HIF1AN: variants seen among roughly 807,000 people sequenced by gnomAD.
The protein encoded by HIF1AN is hypoxia-inducible factor 1-alpha inhibitor.
HIF1AN carries 21 observed loss-of-function variants against 47.7 expected under a neutral mutation model. The observed-to-expected ratio is 0.44, with a 90% CI of 0.31 to 0.63. The LOEUF (loss-of-function observed/expected upper bound fraction) is 0.63, where lower values mean the gene tolerates loss of function less well. Ranked by LOEUF, HIF1AN falls within the 30% of genes least tolerant of loss-of-function variation. The probability of loss-of-function intolerance (pLI) is 0.07; values close to 1 mark genes in which losing one functional copy is unlikely to be tolerated. For missense variants in HIF1AN, 320 were observed against 432.7 expected, an observed-to-expected ratio of 0.74 and a Z score of 2.31; for synonymous variants, 152 against 155.9, an observed-to-expected ratio of 0.98 and a Z score of 0.18.
At position 100,540,611 on chromosome 10, in the gene HIF1AN, G is replaced by A. The variant is rs1379699321; in HGVS notation, c.429-23G>A. On this transcript the variant is annotated intron_variant, in intron 2 of 7. Transcript: ENST00000299163. ...GGGCTGTGTGTGCATGCACTAATAG[G>A]ATTTTCTTCTTGGGGAACATAGGTT... 4 of 1,613,056 alleles carry A rather than the reference G, an allele frequency of 2.5e-6. No homozygotes were observed. The African/African-American group carries it at 4.0e-5, about 16-fold the overall frequency.
rs994903756 is a variant in HIF1AN, at chr10:100,551,986, C to T, written c.*3849C>T. 5.3e-5 allele frequency: 8 copies of T among 152,244 alleles called. No homozygotes were observed. The highest frequency in any genetic ancestry group is 1.2e-4 in the Non-Finnish European group (8 of 68,114). 9.4% of individuals were successfully genotyped at this position (152,244 alleles called of 1,614,324 possible). ...CTTCCTAGCAACGTTGATGTCCCCACAACCCCACATCAGTGCAGCTGTGGC... is the reference window on the plus strand; with the variant it reads ...CTTCCTAGCAACGTTGATGTCCCCATAACCCCACATCAGTGCAGCTGTGGC... On this transcript the variant is annotated 3_prime_UTR_variant, in exon 8 of 8. Transcript: ENST00000299163.
intron 7 of HIF1AN, 42 bp downstream of exon 7, chr10:100,547,292 A>C (rs746778920): frequency 3.2e-6 from 4 of 1,233,744 alleles, no homozygotes; most frequent in African/African-American, 1.5e-5. Context: ...TGGGTTGACC[A>C]AGGAAAGTCA....
chr10:100,544,053 C>G (rs137937333), intron 3 of HIF1AN, among the ~76,000 whole-genome samples: 247 of 152,304 alleles, frequency 1.6e-3, no homozygotes, highest in African/African-American at 5.5e-3. Flanking sequence ...GTCTAAATTC[C>G]ATGCCCTGCA....
rs745419888 is a variant in HIF1AN at position 100,546,003 on chromosome 10, G to A, written c.784G>A (p.Glu262Lys). Residue 262 changes from glutamate to lysine, a missense_variant, in exon 5 of 8, where the codon GAA (glutamate) becomes AAA (lysine). Coordinates refer to ENST00000299163, the MANE Select transcript of HIF1AN (RefSeq NM_017902.3). The stretch of plus-strand genomic sequence containing the variant: ...TAATTTCCAAAATGTGGTTGGTTAC[G>A]AAACAGTGGTTGGCCCTGGTGATGT... Reference protein sequence around the residue: ...FPNFQNVVGYETVVGPGDVLY... With the variant: ...FPNFQNVVGYKTVVGPGDVLY... 4 of 1,613,886 alleles carry A rather than the reference G, an allele frequency of 2.5e-6. No homozygotes were observed. The highest frequency in any genetic ancestry group is 8.5e-7 in the Non-Finnish European group (1 of 1,179,966).
chr10:100,536,142 G>C lies in HIF1AN; in HGVS notation c.177+7G>C. The stretch of plus-strand genomic sequence containing the variant: ...GGAGCTTATTGAGAATGAGGTGGGG[G>C]GCGGGGCCGCGTCTAAAGGGAGAGG... On this transcript the variant is annotated splice_region_variant and intron_variant, in intron 1 of 7. Coordinates refer to ENST00000299163, the MANE Select transcript of HIF1AN (RefSeq NM_017902.3). The C allele has an allele frequency of 6.3e-7, 1 of 1,585,956 alleles. No individual in the cohort carries two copies. Among genetic ancestry groups the C allele is most frequent in the Non-Finnish European group, 8.6e-7 (1 of 1,165,704 alleles).
In HIF1AN at chr10:100,552,662, CT is replaced by C; in HGVS notation, c.*4530del. The stretch of plus-strand genomic sequence containing the variant: ...CTCCAGCGGCCTCCTTACCAAGACC[CT>C]TTTTCCTAAACAGTTGTCCTTCCCT... On this transcript the variant is annotated 3_prime_UTR_variant, in exon 8 of 8. Transcript: ENST00000299163. The C allele has an allele frequency of 1.3e-5, 2 of 152,522 alleles. No homozygotes were observed. The highest frequency in any genetic ancestry group is 2.1e-4 in the South Asian group (1 of 4,834). 9.4% of individuals were successfully genotyped at this position (152,522 alleles called of 1,614,324 possible). A position where few individuals can be genotyped will look rare whatever the true frequency, so the allele number is the denominator to read the frequency against.
chr10:100,542,390 G>A (rs1843043335), intron 3 of HIF1AN, among the ~76,000 whole-genome samples: 1 of 152,096 alleles, frequency 6.6e-6, no homozygotes, highest in East Asian at 1.9e-4. Flanking sequence ...GTCTCGCTCT[G>A]TCGCCCAGGC....
At position 100,540,682 on chromosome 10, in the gene HIF1AN, C is replaced by T. The variant is rs1393230484; in HGVS notation, c.477C>T (p.Val159=). Residue 159 remains valine, a synonymous_variant, in exon 3 of 8, where the codon GTC becomes GTT. Transcript: ENST00000299163. ...TLNDTVGRKI[V]MDFLGFNWNW... Reference sequence around the variant, plus strand: ...ATGACACTGTGGGCAGGAAGATTGTCATGGACTTCTTAGGTTTTAACTGGA... The same window carrying T: ...ATGACACTGTGGGCAGGAAGATTGTTATGGACTTCTTAGGTTTTAACTGGA... 2 of 1,613,760 alleles carry T rather than the reference C, an allele frequency of 1.2e-6. No homozygotes were observed. Among genetic ancestry groups the T allele is most frequent in the South Asian group, 1.1e-5 (1 of 91,000 alleles).
At chr10:100,542,386 C>A (rs1432097399) in intron 3 of HIF1AN, among the ~76,000 whole-genome samples, 1 of 152,142 alleles carries the variant, frequency 6.6e-6, no homozygotes, top group Non-Finnish European at 1.5e-5. Context: ...CAGAGTCTCG[C>A]TCTGTCGCCC....
rs1843234988 is a variant in HIF1AN, at chr10:100,558,819, T to G, written c.*10682T>G. 6.6e-6 allele frequency: 1 copy of G among 152,206 alleles called. No individual in the cohort carries two copies. Among genetic ancestry groups the G allele is most frequent in the African/African-American group, 2.4e-5 (1 of 41,462 alleles). 9.4% of individuals were successfully genotyped at this position (152,206 alleles called of 1,614,324 possible). A position where few individuals can be genotyped will look rare whatever the true frequency, so the allele number is the denominator to read the frequency against. ...ACATGCAGTGGCATCAGGTGTTTCC[T>G]TGGTAGGTGTGCATCTTTTAATGAT... On this transcript the variant is annotated 3_prime_UTR_variant, in exon 8 of 8. Coordinates refer to ENST00000299163, the MANE Select transcript of HIF1AN (RefSeq NM_017902.3).
At chr10:100,546,259 A>G (rs1013137071) in intron 5 of HIF1AN, among the ~76,000 whole-genome samples, 1 of 152,192 alleles carries the variant, frequency 6.6e-6, no homozygotes, top group East Asian at 1.9e-4. Flanking sequence ...CGGTTCTTCA[A>G]GTCCAAAGAG....
Position 100,550,021 on chromosome 10 carries a change from A to C in HIF1AN, c.*1884A>C, listed in dbSNP as rs913520851. On this transcript the variant is annotated 3_prime_UTR_variant, in exon 8 of 8. Transcript: ENST00000299163. ...GGGAAATGTGATTGCAGTGATCTCT[A>C]TCTCTCCACTTCTTTTGGGAAAGAG... 21 of 152,166 alleles carry C rather than the reference A, an allele frequency of 1.4e-4. No individual in the cohort carries two copies. Among genetic ancestry groups the C allele is most frequent in the African/African-American group, 4.6e-4 (19 of 41,424 alleles). The allele number at this position is 152,166 out of a possible 1,614,324, so 9.4% of individuals were successfully genotyped here. A position where few individuals can be genotyped will look rare whatever the true frequency, so the allele number is the denominator to read the frequency against.
intron 2 of HIF1AN, 125 bp downstream of exon 2, chr10:100,536,786 T>C (rs1336080722): frequency 1.9e-6 from 2 of 1,064,778 alleles, no homozygotes; most frequent in African/African-American, 3.2e-5. Context: ...TGGATTCCAG[T>C]TGAAGGAGTA....
At position 100,535,946 on chromosome 10, in the gene HIF1AN, C is replaced by G. The variant is rs750905299; in HGVS notation, c.-13C>G. 6.5e-7 allele frequency: 1 copy of G among 1,543,322 alleles called. No homozygotes were observed. The highest frequency in any genetic ancestry group is 1.4e-5 in the African/African-American group (1 of 72,258). ...GCTTCCGGTTCCGGTGGGGGCCGTC[C>G]CTGGCGGCGGAGATGGCGGCGACAG... On this transcript the variant is annotated 5_prime_UTR_variant, in exon 1 of 8. Coordinates refer to ENST00000299163, the MANE Select transcript of HIF1AN (RefSeq NM_017902.3).
In HIF1AN at chr10:100,536,212, A is replaced by G. The variant is rs887237697; in HGVS notation, c.177+77A>G. 1.4e-5 allele frequency: 20 copies of G among 1,418,314 alleles called. No individual in the cohort carries two copies. The African/African-American group carries it at 2.6e-4, about 18-fold the overall frequency. 87.9% of individuals were successfully genotyped at this position (1,418,314 alleles called of 1,614,324 possible). On this transcript the variant is annotated intron_variant, in intron 1 of 7. Transcript: ENST00000299163. ...AGGTCAGAGGTGAATGGTGAAAGAGATGGGAGACTGGCAGGGCTCTAGACT... is the reference window on the plus strand; with the variant it reads ...AGGTCAGAGGTGAATGGTGAAAGAGGTGGGAGACTGGCAGGGCTCTAGACT...
At position 100,551,637 on chromosome 10, in the gene HIF1AN, T is replaced by C. The variant is rs1843160944; in HGVS notation, c.*3500T>C. The stretch of plus-strand genomic sequence containing the variant: ...GGCAAAGAATAACAGTGGAAAAGTT[T>C]TGACATGTGTTTGCCATTTGTGGAA... On this transcript the variant is annotated 3_prime_UTR_variant, in exon 8 of 8. Transcript: ENST00000299163. 1 of 152,230 alleles carries C rather than the reference T, an allele frequency of 6.6e-6. No homozygotes were observed. Among genetic ancestry groups the C allele is most frequent in the Non-Finnish European group, 1.5e-5 (1 of 68,032 alleles). 9.4% of individuals were successfully genotyped at this position (152,230 alleles called of 1,614,324 possible). A position where few individuals can be genotyped will look rare whatever the true frequency, so the allele number is the denominator to read the frequency against.
At position 100,556,301 on chromosome 10, in the gene HIF1AN, T is replaced by C. The variant is rs761187135; in HGVS notation, c.*8164T>C. On this transcript the variant is annotated 3_prime_UTR_variant, in exon 8 of 8. Coordinates refer to ENST00000299163, the MANE Select transcript of HIF1AN (RefSeq NM_017902.3). ...AAAATATTTTTAACAATACTAAAAA[T>C]ACCTGAAACATACTGGGTGAAAATA... 6.6e-6 allele frequency: 1 copy of C among 152,178 alleles called. No individual in the cohort carries two copies. Among genetic ancestry groups the C allele is most frequent in the Non-Finnish European group, 1.5e-5 (1 of 68,036 alleles). The allele number at this position is 152,178 out of a possible 1,614,324, so 9.4% of individuals were successfully genotyped here.
At chr10:100,546,753 T>A (rs950871968) in intron 6 of HIF1AN, among the ~76,000 whole-genome samples, 172 bp downstream of exon 6, 4 of 152,032 alleles carry the variant, frequency 2.6e-5, no homozygotes, top group Non-Finnish European at 5.9e-5. Context: ...TTAAATATAT[T>A]TTTTGAGACA....
In HIF1AN at chr10:100,557,259, T is replaced by C. The variant is rs1843222211; in HGVS notation, c.*9122T>C. 2 of 152,232 alleles carry C rather than the reference T, an allele frequency of 1.3e-5. No homozygotes were observed. The highest frequency in any genetic ancestry group is 1.3e-4 in the Admixed American group (2 of 15,274). The allele number at this position is 152,232 out of a possible 1,614,324, so 9.4% of individuals were successfully genotyped here. A position where few individuals can be genotyped will look rare whatever the true frequency, so the allele number is the denominator to read the frequency against. The stretch of plus-strand genomic sequence containing the variant: ...TCTGGCCAGTGAACCTAAGTGAGAA[T>C]GTCAGTGGACTTTGCACAGGCTGGG... On this transcript the variant is annotated 3_prime_UTR_variant, in exon 8 of 8. Transcript: ENST00000299163.
Sources: allele counts gnomAD v4.1 joint callset (sites outside exome capture counted in the v4.1 genomes callset), GRCh38; gene constraint gnomAD v4.1.1; transcripts MANE v1.5; gene names NCBI Gene and HGNC (gene_info 2026-07-23, HGNC 2026-07-21).